Variants in DIAPH3 observed in about 807,000 individuals in gnomAD.
The protein encoded by DIAPH3 is diaphanous related formin 3.
A neutral mutation model predicts 144.3 loss-of-function variants in DIAPH3; 117 were observed. That is an observed-to-expected ratio of 0.81 (90% CI 0.70 to 0.95). DIAPH3 has a LOEUF of 0.95. Ranked by LOEUF, DIAPH3 falls within the 40% of genes least tolerant of loss-of-function variation. The probability of loss-of-function intolerance (pLI) is 0.00; values close to 1 mark genes in which losing one functional copy is unlikely to be tolerated. For synonymous variants in DIAPH3, 519 were observed against 488.9 expected, an observed-to-expected ratio of 1.06 and a Z score of -0.81; for missense variants, 1,421 against 1,412.7, an observed-to-expected ratio of 1.01 and a Z score of -0.09.
At chr13:60,116,425 T>C (rs1325988480) in intron 2 of DIAPH3, among the ~76,000 whole-genome samples, 3 of 150,814 alleles carry the variant, frequency 2.0e-5, no homozygotes, top group Admixed American at 2.0e-4. Context: ...TTACTGATGT[T>C]TGTTTAAAAC....
intron 27 of DIAPH3, among the ~76,000 whole-genome samples, chr13:59,684,789 A>T (rs1241578572): frequency 6.6e-6 from 1 of 152,228 alleles, no homozygotes; most frequent in African/African-American, 2.4e-5. Context: ...AAATAAAGAA[A>T]GAACTTTCAT....
At chr13:59,802,722 C>G (rs562767807) in intron 25 of DIAPH3, among the ~76,000 whole-genome samples, 2 of 107,904 alleles carry the variant, frequency 1.9e-5, no homozygotes, top group Non-Finnish European at 3.5e-5. Flanking sequence ...TCGCCCAGGC[C>G]GGACTGCGGA....
intron 21 of DIAPH3, among the ~76,000 whole-genome samples, chr13:59,878,740 C>T (rs535972167): frequency 1.4e-4 from 22 of 152,112 alleles, no homozygotes; most frequent in Middle Eastern, 3.4e-3. Context: ...CAATAATATC[C>T]GAGTTGCATA....
chr13:59,669,089 C>G (rs1482986268), intron 27 of DIAPH3, among the ~76,000 whole-genome samples: 1 of 152,118 alleles, frequency 6.6e-6, no homozygotes, highest in Admixed American at 6.5e-5. Flanking sequence ...AAGGAAAGTG[C>G]TAAGTAATTC....
chr13:59,869,899 A>G (rs188037338), intron 21 of DIAPH3, among the ~76,000 whole-genome samples: 1 of 152,244 alleles, frequency 6.6e-6, no homozygotes, highest in East Asian at 1.9e-4. Context: ...TTTATCAGGT[A>G]TGTGTTTTGG....
chr13:59,764,402 T>G (rs1388756493), intron 27 of DIAPH3, among the ~76,000 whole-genome samples: 1 of 151,598 alleles, frequency 6.6e-6, no homozygotes, highest in African/African-American at 2.4e-5. Context: ...CACCAATAAT[T>G]CCTGAGCCCT....
chr13:60,123,082 C>T (rs890351815), intron 2 of DIAPH3, among the ~76,000 whole-genome samples: 2 of 152,112 alleles, frequency 1.3e-5, no homozygotes, highest in African/African-American at 2.4e-5. Flanking sequence ...GCTTCCACTA[C>T]GAATCCATTT....
In DIAPH3 at chr13:60,016,055, TA is replaced by T. The variant is rs1342612868; in HGVS notation, c.701+15del. ...TGAATGATGCTTACTTGAAAATAAT[TA>T]TTAGCAATACTTACATTTTTCCACT... On this transcript the variant is annotated intron_variant, in intron 6 of 27. Coordinates refer to ENST00000400324, the MANE Select transcript of DIAPH3 (RefSeq NM_001042517.2). The T allele has an allele frequency of 1.2e-6, 2 of 1,611,468 alleles. No individual in the cohort carries two copies. The highest frequency in any genetic ancestry group is 1.7e-6 in the Non-Finnish European group (2 of 1,178,010).
intron 17 of DIAPH3, among the ~76,000 whole-genome samples, chr13:59,946,846 G>T (rs1463438774): frequency 6.6e-6 from 1 of 152,002 alleles, no homozygotes; most frequent in Non-Finnish European, 1.5e-5. Context: ...TGAAAATCTG[G>T]TACGATAAGG....
chr13:59,728,015 A>G (rs549866020), intron 27 of DIAPH3, among the ~76,000 whole-genome samples: 3 of 152,016 alleles, frequency 2.0e-5, no homozygotes, highest in Non-Finnish European at 1.5e-5. Context: ...TGCCTAGAGT[A>G]GTACATGGAA....
intron 4 of DIAPH3, among the ~76,000 whole-genome samples, chr13:60,069,208 T>A (rs538554451): frequency 7.2e-5 from 11 of 152,292 alleles, no homozygotes; most frequent in African/African-American, 2.4e-4. Flanking sequence ...CTCATTGTGG[T>A]TTAGCTTTGT....
At chr13:59,809,835 C>G (rs1431643816) in intron 25 of DIAPH3, among the ~76,000 whole-genome samples, 2 of 152,048 alleles carry the variant, frequency 1.3e-5, no homozygotes, top group East Asian at 3.9e-4. Flanking sequence ...CCTGGGGAAA[C>G]CTTAGGTGAA....
intron 4 of DIAPH3, among the ~76,000 whole-genome samples, chr13:60,071,743 T>A (rs2057215400): frequency 6.6e-6 from 1 of 152,174 alleles, no homozygotes; most frequent in South Asian, 2.1e-4. Flanking sequence ...AAACAAGTTT[T>A]CTTCTATCTA....
chr13:59,851,086 T>C (rs2042941137), intron 22 of DIAPH3, among the ~76,000 whole-genome samples: 3 of 151,676 alleles, frequency 2.0e-5, no homozygotes, highest in South Asian at 2.1e-4. Context: ...AAGAGAATTT[T>C]AGACCAATAT....
At chr13:59,921,514 T>A (rs116626301) in intron 18 of DIAPH3, among the ~76,000 whole-genome samples, 162 of 151,952 alleles carry the variant, frequency 1.1e-3, no homozygotes, top group African/African-American at 3.7e-3. Flanking sequence ...ACTTATAACT[T>A]ACCAAGATTG....
At position 59,666,852 on chromosome 13, in the gene DIAPH3, G is replaced by C; in HGVS notation, c.3320-6C>G. On this transcript the variant is annotated splice_polypyrimidine_tract_variant and splice_region_variant and intron_variant, in intron 27 of 27. Coordinates refer to ENST00000400324, the MANE Select transcript of DIAPH3 (RefSeq NM_001042517.2). ...CAACTGCACTTTCTGATTTTCTACA[G>C]TAAGGAAAAAAGAAACATAAAACTT... 3 of 1,613,954 alleles carry C rather than the reference G, an allele frequency of 1.9e-6. No individual in the cohort carries two copies. Among genetic ancestry groups the C allele is most frequent in the Non-Finnish European group, 2.5e-6 (3 of 1,179,916 alleles).
At chr13:59,787,326 T>C (rs188924738) in intron 25 of DIAPH3, among the ~76,000 whole-genome samples, 8 of 152,268 alleles carry the variant, frequency 5.3e-5, no homozygotes, top group African/African-American at 1.9e-4. Flanking sequence ...AAGATTAAAG[T>C]GTAAAACTAT....
chr13:60,040,625 T>A (rs1362833189), intron 5 of DIAPH3, among the ~76,000 whole-genome samples: 1 of 152,088 alleles, frequency 6.6e-6, no homozygotes, highest in East Asian at 1.9e-4. Flanking sequence ...AAATAAAGGG[T>A]CTACTCCTCA....
chr13:59,793,341 T>C (rs1039082062), intron 25 of DIAPH3, among the ~76,000 whole-genome samples: 7 of 152,156 alleles, frequency 4.6e-5, no homozygotes, highest in Non-Finnish European at 1.0e-4. Flanking sequence ...TTTAAACAAA[T>C]TAAAACACCT....
Sources: allele counts gnomAD v4.1 joint callset (sites outside exome capture counted in the v4.1 genomes callset), GRCh38; gene constraint gnomAD v4.1.1; transcripts MANE v1.5; gene names NCBI Gene and HGNC (gene_info 2026-07-23, HGNC 2026-07-21).